DLG2: variants seen among roughly 807,000 people sequenced by gnomAD.
DLG2 encodes disks large homolog 2.
A neutral mutation model predicts 132.5 loss-of-function variants in DLG2; 45 were observed. The observed-to-expected ratio is 0.34, with a 90% confidence interval of 0.27 to 0.44. The LOEUF (loss-of-function observed/expected upper bound fraction) is 0.44, where lower values mean the gene tolerates loss of function less well. DLG2 is among the 20% of genes least tolerant of loss of function. The probability of loss-of-function intolerance (pLI) is 1.00; values close to 1 mark genes in which losing one functional copy is unlikely to be tolerated. For synonymous variants in DLG2, 424 were observed against 419.6 expected, an observed-to-expected ratio of 1.01 and a Z score of -0.13; for missense variants, 1,045 against 1,196.9, an observed-to-expected ratio of 0.87 and a Z score of 1.87.
At chr11:84,664,447 A>G (rs1407121296) in intron 6 of DLG2, among the ~76,000 whole-genome samples, 2 of 152,198 alleles carry the variant, frequency 1.3e-5, no homozygotes, top group Non-Finnish European at 2.9e-5. Flanking sequence ...ACTTTGACAA[A>G]TGTTTATAGT....
intron 9 of DLG2, among the ~76,000 whole-genome samples, chr11:84,114,670 C>T (rs374557514): frequency 6.6e-6 from 1 of 152,062 alleles, no homozygotes; most frequent in South Asian, 2.1e-4. Flanking sequence ...TTCCTACTGC[C>T]TCACGCCTAG....
intron 18 of DLG2, 137 bp from the exon 19 acceptor site, chr11:83,633,462 G>A: frequency 1.5e-6 from 1 of 653,876 alleles, no homozygotes; most frequent in Non-Finnish European, 2.8e-6. Context: ...TCAAGGGTAT[G>A]CCTGTTTCCT....
In DLG2 at chr11:84,388,522, T is replaced by C. The variant is rs2098780341; in HGVS notation, c.520-137231A>G. ...GGTAGTAGAAAAGAGGGCAGCTATT[T>C]CATTTTAATTTATAGATTCCTAATT... On this transcript the variant is annotated intron_variant, in intron 7 of 27. Transcript: ENST00000376104. Among the ~76,000 whole-genome samples, 3 of 152,210 alleles carry C rather than the reference T, an allele frequency of 2.0e-5. No individual in the cohort carries two copies. In the South Asian group the frequency reaches 6.2e-4, roughly 32 times the overall value.
chr11:84,444,267 C>T (rs903504071), intron 7 of DLG2, among the ~76,000 whole-genome samples: 14 of 152,070 alleles, frequency 9.2e-5, no homozygotes, highest in Non-Finnish European at 1.6e-4. Flanking sequence ...CTCATTGGTG[C>T]TGGGCTTATA....
At chr11:84,845,788 C>G (rs1227027029) in intron 6 of DLG2, among the ~76,000 whole-genome samples, 1 of 151,108 alleles carries the variant, frequency 6.6e-6, no homozygotes, top group South Asian at 2.1e-4. Context: ...CAGGTGATAT[C>G]CCTGCCTCAG....
In DLG2 at chr11:84,361,123, C is replaced by G. The variant is rs531676094; in HGVS notation, c.520-109832G>C. 2.3e-4 allele frequency among the ~76,000 whole-genome samples: 35 copies of G among 151,872 alleles called. No homozygotes were observed. The South Asian group carries it at 6.8e-3, about 30-fold the overall frequency. ...AAATGAACAGAGTGCCAGTGATATG[C>G]TGAATGATACCAAGTACAGTCCTAG... is the stretch of plus-strand genomic sequence containing the variant. On this transcript the variant is annotated intron_variant, in intron 7 of 27. Coordinates refer to ENST00000376104, the MANE Select transcript of DLG2 (RefSeq NM_001142699.3).
intron 7 of DLG2, among the ~76,000 whole-genome samples, chr11:84,341,437 C>T (rs1256511369): frequency 6.6e-6 from 1 of 152,100 alleles, no homozygotes; most frequent in Non-Finnish European, 1.5e-5. Flanking sequence ...TTTACATAAA[C>T]CAGTTCCTGT....
chr11:84,206,536 A>C (rs2096667820), intron 8 of DLG2, among the ~76,000 whole-genome samples: 1 of 152,110 alleles, frequency 6.6e-6, no homozygotes, highest in Non-Finnish European at 1.5e-5. Flanking sequence ...AAATAGGATA[A>C]TACATCAGGA....
chr11:84,256,714 C>A lies in DLG2; in HGVS notation c.520-5423G>T, dbSNP rs1202134584. Among the ~76,000 whole-genome samples the A allele has an allele frequency of 3.3e-5, 5 of 152,082 alleles. No homozygotes were observed. The South Asian group carries it at 6.2e-4, about 19-fold the overall frequency. On this transcript the variant is annotated intron_variant, in intron 7 of 27. Coordinates refer to ENST00000376104, the MANE Select transcript of DLG2 (RefSeq NM_001142699.3). ...AAGATTTCTTGTCTATTTAGAGGGACACAGGCCCTATAAATGACTTTTATA... is the reference window on the plus strand; with the variant it reads ...AAGATTTCTTGTCTATTTAGAGGGAAACAGGCCCTATAAATGACTTTTATA...
chr11:83,923,685 T>C (rs2078379749), intron 15 of DLG2, among the ~76,000 whole-genome samples: 1 of 152,154 alleles, frequency 6.6e-6, no homozygotes, highest in Admixed American at 6.6e-5. Context: ...ACCACCTGTT[T>C]TATTTAATAA....
chr11:83,970,701 T>C (rs375207378), intron 12 of DLG2, among the ~76,000 whole-genome samples: 1 of 152,192 alleles, frequency 6.6e-6, no homozygotes, highest in Admixed American at 6.5e-5. Context: ...GGCTATTGAT[T>C]AAAATGTGTT....
chr11:85,309,435 A>AG (rs2080176110), intron 3 of DLG2, among the ~76,000 whole-genome samples: 1 of 151,816 alleles, frequency 6.6e-6, no homozygotes, highest in Non-Finnish European at 1.5e-5. Flanking sequence ...CTACCAAAAA[A>AG]AAAAAAAAAT....
At chr11:83,886,377 C>T (rs2067901558) in intron 15 of DLG2, among the ~76,000 whole-genome samples, 1 of 152,158 alleles carries the variant, frequency 6.6e-6, no homozygotes, top group African/African-American at 2.4e-5. Flanking sequence ...GTAAAGGGAT[C>T]AATTCAACAA....
chr11:84,366,697 G>T (rs936582118), intron 7 of DLG2, among the ~76,000 whole-genome samples: 1 of 152,042 alleles, frequency 6.6e-6, no homozygotes, highest in Non-Finnish European at 1.5e-5. Flanking sequence ...AACCAACAAA[G>T]ATCAAAAGAG....
At chr11:84,168,980 A>G (rs2095747286) in intron 8 of DLG2, among the ~76,000 whole-genome samples, 2 of 152,168 alleles carry the variant, frequency 1.3e-5, no homozygotes. Context: ...GACCTTACAT[A>G]CAGTGTGATA....
chr11:83,841,392 C>G (rs1228224234), intron 16 of DLG2, among the ~76,000 whole-genome samples: 1 of 152,186 alleles, frequency 6.6e-6, no homozygotes, highest in African/African-American at 2.4e-5. Flanking sequence ...GAACAAAATT[C>G]TATCTCTCAT....
At chr11:83,973,683 T>C (rs1218503244) in intron 12 of DLG2, among the ~76,000 whole-genome samples, 1 of 151,894 alleles carries the variant, frequency 6.6e-6, no homozygotes, top group Non-Finnish European at 1.5e-5. Context: ...CGGCTGCACA[T>C]TAAAATCATT....
chr11:84,894,441 C>G (rs1226613862), intron 6 of DLG2, among the ~76,000 whole-genome samples: 1 of 152,106 alleles, frequency 6.6e-6, no homozygotes, highest in Non-Finnish European at 1.5e-5. Context: ...ATGTTAAGCT[C>G]CAAATTATGG....
intron 17 of DLG2, among the ~76,000 whole-genome samples, chr11:83,828,295 A>G (rs1320287294): frequency 2.0e-5 from 3 of 152,192 alleles, no homozygotes; most frequent in Non-Finnish European, 4.4e-5. Flanking sequence ...TGGGAGGCTG[A>G]AGCAGGAGAA....
Sources: gnomAD v4.1 joint callset for allele counts (sites outside exome capture counted in the v4.1 genomes callset) on GRCh38, gnomAD v4.1.1 for gene constraint, MANE v1.5 for transcripts, NCBI Gene and HGNC (gene_info 2026-07-23, HGNC 2026-07-21) for gene names.